The following CORO7 variants were observed in gnomAD, a reference collection of about 807,000 sequenced individuals.
CORO7 encodes the protein coronin-7.
A neutral mutation model predicts 126.6 loss-of-function variants in CORO7; 107 were observed. The ratio of observed to expected loss-of-function variants is 0.85; its 90% CI spans 0.72 to 0.99. The LOEUF is 0.99. CORO7 is among the 50% of genes least tolerant of loss of function. The probability of loss-of-function intolerance (pLI) is 0.00; values close to 1 mark genes in which losing one functional copy is unlikely to be tolerated. For missense variants in CORO7, 1,314 were observed against 1,255.8 expected (o/e 1.05, Z -0.70); for synonymous variants, 603 against 536.8 (o/e 1.12, Z -1.70).
At chr16:4,415,115 C>G (rs1038000754) in intron 1 of CORO7, among the ~76,000 whole-genome samples, 1 of 152,102 alleles carries the variant, frequency 6.6e-6, no homozygotes, top group African/African-American at 2.4e-5. Flanking sequence ...GCAGTCCACC[C>G]AAAGTACTGG....
intron 9 of CORO7, among the ~76,000 whole-genome samples, chr16:4,376,698 AT>A (rs1027251222): frequency 3.9e-5 from 6 of 152,196 alleles, no homozygotes; most frequent in African/African-American, 1.4e-4. Context: ...GGGAGTTGAG[AT>A]GACGAGTGCC....
chr16:4,412,693 C>A, intron 2 of CORO7: 1 of 496,274 alleles, frequency 2.0e-6, no homozygotes, highest in Non-Finnish European at 3.6e-6. Flanking sequence ...ACGAAAGGGG[C>A]GTGGGGCTTT....
rs2054227264 is a variant in CORO7 at position 4,362,854 on chromosome 16, C to T, written c.1276-116G>A. 3.3e-6 allele frequency: 4 copies of T among 1,216,476 alleles called. No homozygotes were observed. The African/African-American group carries it at 4.7e-5, about 14-fold the overall frequency. 75.4% of individuals were successfully genotyped at this position (1,216,476 alleles called of 1,614,324 possible). On this transcript the variant is annotated intron_variant, in intron 14 of 27. Transcript: ENST00000251166. The surrounding 1 kb of genome is among the most constrained non-coding windows in gnomAD (Gnocchi z 5.3). ...GCCCCCTGCGGACTGGAGGAGCCCCCACTGTGGGCATGCGACAGGAGCGGC... is the reference window on the plus strand; with the variant it reads ...GCCCCCTGCGGACTGGAGGAGCCCCTACTGTGGGCATGCGACAGGAGCGGC...
chr16:4,364,889 A>G lies in CORO7; in HGVS notation c.930T>C (p.Arg310=). 1 of 1,611,184 alleles carries G rather than the reference A, an allele frequency of 6.2e-7. No individual in the cohort carries two copies. Among genetic ancestry groups the G allele is most frequent in the Non-Finnish European group, 8.5e-7 (1 of 1,179,398 alleles). Residue 310 remains arginine, a synonymous_variant, in exon 12 of 28, where the codon CGT becomes CGC. Transcript: ENST00000251166. ...VTQCVLESVL[R]GAALVPRQAL... Reference sequence around the variant, plus strand: ...CCTGCCGGGGCACAAGGGCAGCCCCACGCAGCACGCTCTCCAGGACACACT... The same window carrying G: ...CCTGCCGGGGCACAAGGGCAGCCCCGCGCAGCACGCTCTCCAGGACACACT...
intron 9 of CORO7, among the ~76,000 whole-genome samples, chr16:4,375,606 G>C (rs963554165): frequency 6.6e-6 from 1 of 152,220 alleles, no homozygotes; most frequent in Non-Finnish European, 1.5e-5. Context: ...TCCTGCCTCA[G>C]CCTCCCAAGT....
chr16:4,407,429 A>T, intron 5 of CORO7, 72 bp downstream of exon 5: 1 of 1,504,736 alleles, frequency 6.6e-7, no homozygotes. Flanking sequence ...GTGACTAAAC[A>T]TGCCAACAAA....
chr16:4,361,175 C>T lies in CORO7; in HGVS notation c.1761G>A (p.Glu587=), dbSNP rs2054166593. 6.2e-7 allele frequency: 1 copy of T among 1,612,970 alleles called. No individual in the cohort carries two copies. The highest frequency in any genetic ancestry group is 1.1e-5 in the South Asian group (1 of 91,078). The change falls in exon 18 of 28, where the codon GAG becomes GAA. Residue 587 remains glutamate (E), a synonymous_variant. Coordinates refer to ENST00000251166, the MANE Select transcript of CORO7 (RefSeq NM_024535.5). ...AGCCTGCCTGACCTGTGAGCACAGT[C>T]TCTGGCGTGGTGAGCACCTCTTCCA... ...EGLEEVLTTP[E]TVLTGHTEKI...
At position 4,355,038 on chromosome 16, in the gene CORO7, C is replaced by T. The variant is rs1596261415; in HGVS notation, c.*120G>A. 8.7e-7 allele frequency: 1 copy of T among 1,146,282 alleles called. No homozygotes were observed. Among genetic ancestry groups the T allele is most frequent in the African/African-American group, 1.6e-5 (1 of 63,982 alleles). 71.0% of individuals were successfully genotyped at this position (1,146,282 alleles called of 1,614,324 possible). A position where few individuals can be genotyped will look rare whatever the true frequency, so the allele number is the denominator to read the frequency against. ...GGATGTGGAAGTGCCCACGGGAAGG[C>T]AGGAGTGCAGGGGTGACATGTGCCG... On this transcript the variant is annotated 3_prime_UTR_variant, in exon 28 of 28. Transcript: ENST00000251166.
chr16:4,394,975 C>CG (rs1199064295), intron 7 of CORO7, among the ~76,000 whole-genome samples: 1 of 152,164 alleles, frequency 6.6e-6, no homozygotes. Flanking sequence ...GCTGACCGTG[C>CG]CAGGGTGAAG....
intron 9 of CORO7, chr16:4,381,831 C>G (rs778083157): frequency 6.2e-7 from 1 of 1,601,368 alleles, no homozygotes; most frequent in Admixed American, 1.7e-5. Context: ...AGAGCCACGT[C>G]ACACTGGCCA....
rs751063105 is a variant in CORO7, at chr16:4,416,570, T to G, written c.-52A>C. 1 of 1,564,072 alleles carries G rather than the reference T, an allele frequency of 6.4e-7. No individual in the cohort carries two copies. The highest frequency in any genetic ancestry group is 8.6e-7 in the Non-Finnish European group (1 of 1,159,874). The stretch of plus-strand genomic sequence containing the variant: ...CTTCGAGGACCCCGGGCGTCGGGTC[T>G]CAGGTGCACGCTGAGCAACCGCGAC... On this transcript the variant is annotated 5_prime_UTR_variant, in exon 1 of 28. Coordinates refer to ENST00000251166, the MANE Select transcript of CORO7 (RefSeq NM_024535.5).
chr16:4,364,178 A>T (rs1304449207), intron 14 of CORO7, 98 bp downstream of exon 14: 23 of 1,379,722 alleles, frequency 1.7e-5, no homozygotes, highest in Non-Finnish European at 2.1e-5. Flanking sequence ...AGAGTGAGAC[A>T]CTGTCTCAAA....
At position 4,362,659 on chromosome 16, in the gene CORO7, C is replaced by A; in HGVS notation, c.1355G>T (p.Ser452Ile). 6.5e-7 allele frequency: 1 copy of A among 1,548,424 alleles called. No homozygotes were observed. The highest frequency in any genetic ancestry group is 8.7e-7 in the Non-Finnish European group (1 of 1,150,838). ...CAAACTGGGGCTGGTCCCGATGCCA[C>A]TGGTGCTGGAGAGTGAGGGCCCCAG... ...SSLGPSLSST[S>I]GIGTSPSLRS... The change falls in exon 15 of 28, where the codon AGT becomes ATT. Residue 452 changes from serine (S) to isoleucine (I), a missense_variant. Physicochemically the swap from Ser to Ile is moderately radical, Grantham distance 142. Transcript: ENST00000251166. This position sits in a 1 kb window ranked among gnomAD's most constrained non-coding sequence, Gnocchi z 5.3.
chr16:4,363,218 T>A (rs1005471098), intron 14 of CORO7: 3 of 151,726 alleles, frequency 2.0e-5, no homozygotes, highest in Non-Finnish European at 4.4e-5. Context: ...GATCACGAGG[T>A]CAGGAGTTCA....
chr16:4,416,018 G>A (rs1048711566), intron 1 of CORO7: 4 of 407,728 alleles, frequency 9.8e-6, no homozygotes, highest in African/African-American at 2.2e-5. Context: ...GGCCAGAGGA[G>A]AGAGGGGCGT....
chr16:4,364,690 C>A lies in CORO7; in HGVS notation c.1045-1G>T. ...ACAGGTCCTCGTGGAACTCCACAGCCTGGCCGCAGACAAGCAGGCAGCTAG... is the reference window on the plus strand; with the variant it reads ...ACAGGTCCTCGTGGAACTCCACAGCATGGCCGCAGACAAGCAGGCAGCTAG... On this transcript the variant is annotated splice_acceptor_variant, in intron 12 of 27. Transcript: ENST00000251166. LOFTEE classifies it high-confidence loss of function. The A allele has an allele frequency of 6.3e-7, 1 of 1,584,068 alleles. No homozygotes were observed.
Position 4,388,126 on chromosome 16 carries a change from G to A in CORO7, c.703-58C>T, listed in dbSNP as rs144761618. 673 of 1,563,668 alleles carry A rather than the reference G, an allele frequency of 4.3e-4. 1 individual carries two copies. In the African/African-American group the frequency reaches 7.9e-3, roughly 18 times the overall value. ...GCCTGTCCCTCAGCCCCACCCGGGGGGCTCCCAGGGAAACCAGCGCCTGAG... is the reference window on the plus strand; with the variant it reads ...GCCTGTCCCTCAGCCCCACCCGGGGAGCTCCCAGGGAAACCAGCGCCTGAG... On this transcript the variant is annotated intron_variant, in intron 8 of 27. Transcript: ENST00000251166.
chr16:4,393,159 G>T (rs1020550961), intron 7 of CORO7, among the ~76,000 whole-genome samples: 1 of 152,228 alleles, frequency 6.6e-6, no homozygotes, highest in Admixed American at 6.5e-5. Context: ...CCGGTAGGTC[G>T]GGGGCAGAAG....
chr16:4,415,844 C>T, intron 1 of CORO7: 1 of 985,620 alleles, frequency 1.0e-6, no homozygotes. Flanking sequence ...GGGGCTCCAC[C>T]TGCTCAGGCT....
Sources: allele counts gnomAD v4.1 joint callset (sites outside exome capture counted in the v4.1 genomes callset), GRCh38; gene constraint gnomAD v4.1.1; non-coding constraint Gnocchi (gnomAD v3.1); transcripts MANE v1.5; gene names NCBI Gene and HGNC (gene_info 2026-07-23, HGNC 2026-07-21).